Variants in ARB2A observed in about 807,000 individuals in gnomAD.
ARB2A encodes the protein ARB2 cotranscriptional regulator A.
At chr5:94,046,538 C>G in the ARB2A span, among the ~76,000 whole-genome samples, 5 of 152,076 alleles carry the variant, frequency 3.3e-5, no homozygotes, top group African/African-American at 1.2e-4. Context: ...TTACTTCTAC[C>G]CAGGAAGGCG....
chr5:93,622,009 A>G, the ARB2A span, among the ~76,000 whole-genome samples: 2 of 152,300 alleles, frequency 1.3e-5, no homozygotes, highest in East Asian at 1.9e-4. Context: ...TCGATGTAAT[A>G]CTAATGTACA....
chr5:93,633,836 TG>T, the ARB2A span, among the ~76,000 whole-genome samples: 3 of 152,102 alleles, frequency 2.0e-5, no homozygotes, highest in Admixed American at 1.3e-4. Context: ...GACAAGGTAT[TG>T]GTCTGTCACC....
chr5:93,726,341 T>C, the ARB2A span, among the ~76,000 whole-genome samples: 44 of 151,922 alleles, frequency 2.9e-4, no homozygotes, highest in Non-Finnish European at 3.4e-4. Flanking sequence ...AACCCCCTCA[T>C]AGATATGGGT....
the ARB2A span, chr5:93,863,573 G>A: frequency 6.6e-6 from 1 of 151,914 alleles, no homozygotes; most frequent in African/African-American, 2.4e-5. Context: ...CTGTCTGAGT[G>A]GCTTTTTTTA....
chr5:93,778,956 G>A, the ARB2A span, among the ~76,000 whole-genome samples: 2 of 152,124 alleles, frequency 1.3e-5, no homozygotes, highest in Non-Finnish European at 2.9e-5. Flanking sequence ...CTAGCCACAT[G>A]TTTAAGGCTT....
the ARB2A span, among the ~76,000 whole-genome samples, chr5:93,664,630 C>CA: frequency 1.8e-3 from 260 of 142,072 alleles, 5 homozygotes; most frequent in South Asian, 0.022. Flanking sequence ...GACTTCGTCT[C>CA]AAAAATATAT....
the ARB2A span, among the ~76,000 whole-genome samples, chr5:93,916,831 G>A: frequency 4.6e-5 from 7 of 152,160 alleles, no homozygotes; most frequent in South Asian, 6.2e-4. Flanking sequence ...TTCACTTTTC[G>A]AAATATTCAT....
At chr5:93,810,062 T>C in the ARB2A span, among the ~76,000 whole-genome samples, 2 of 152,134 alleles carry the variant, frequency 1.3e-5, no homozygotes, top group Non-Finnish European at 2.9e-5. Flanking sequence ...AAGGTAGGTA[T>C]CAGGTATGTT....
chr5:94,098,947 A>C, the ARB2A span, among the ~76,000 whole-genome samples: 1 of 152,178 alleles, frequency 6.6e-6, no homozygotes, highest in African/African-American at 2.4e-5. Context: ...GATTCCCTGA[A>C]CAGACCATTA....
chr5:93,961,231 T>C, the ARB2A span, among the ~76,000 whole-genome samples: 46 of 152,260 alleles, frequency 3.0e-4, no homozygotes, highest in Non-Finnish European at 4.6e-4. Context: ...TGGAGATGGA[T>C]ATCTATTCAC....
the ARB2A span, among the ~76,000 whole-genome samples, chr5:93,999,519 T>TA: frequency 6.6e-6 from 1 of 152,022 alleles, no homozygotes; most frequent in South Asian, 2.1e-4. Context: ...TAAGTTTTTT[T>TA]AGAGCAGTTT....
the ARB2A span, among the ~76,000 whole-genome samples, chr5:93,903,286 T>C: frequency 6.6e-6 from 1 of 152,094 alleles, no homozygotes; most frequent in Non-Finnish European, 1.5e-5. Context: ...GTTATTGTTA[T>C]ATGATTACTG....
the ARB2A span, among the ~76,000 whole-genome samples, chr5:93,970,244 C>T: frequency 6.6e-6 from 1 of 151,980 alleles, no homozygotes; most frequent in African/African-American, 2.4e-5. Flanking sequence ...CCAGTCATAC[C>T]CATCCCTATA....
chr5:93,920,480 G>A, the ARB2A span, among the ~76,000 whole-genome samples: 27 of 152,130 alleles, frequency 1.8e-4, no homozygotes, highest in Admixed American at 5.2e-4. Context: ...AAAAAATTTG[G>A]GGGGACTTGT....
the ARB2A span, among the ~76,000 whole-genome samples, chr5:93,843,891 T>G: frequency 2.0e-5 from 3 of 151,792 alleles, no homozygotes; most frequent in African/African-American, 4.8e-5. Context: ...CAGGAAATTA[T>G]CAACAAAATA....
At chr5:94,087,000 C>A in the ARB2A span, among the ~76,000 whole-genome samples, 292 of 152,296 alleles carry the variant, frequency 1.9e-3, 1 homozygote, top group African/African-American at 6.8e-3. Flanking sequence ...AATAGCAGCT[C>A]CATATGCGTT....
At chr5:93,631,702 T>C in the ARB2A span, among the ~76,000 whole-genome samples, 2 of 151,732 alleles carry the variant, frequency 1.3e-5, no homozygotes, top group East Asian at 3.9e-4. Context: ...TTTACAGATA[T>C]CTTGTCAGGC....
At chr5:93,766,831 C>A in the ARB2A span, among the ~76,000 whole-genome samples, 4 of 152,114 alleles carry the variant, frequency 2.6e-5, no homozygotes, top group African/African-American at 9.7e-5. Context: ...AAATGTGGCA[C>A]ATATACACCA....
the ARB2A span, among the ~76,000 whole-genome samples, chr5:93,925,895 C>T: frequency 6.6e-6 from 1 of 152,174 alleles, no homozygotes; most frequent in Non-Finnish European, 1.5e-5. Context: ...CAGCTTTTCT[C>T]ATTTCCCAGG....
Sources: allele counts gnomAD v4.1 joint callset (sites outside exome capture counted in the v4.1 genomes callset), GRCh38; gene constraint gnomAD v4.1.1; transcripts MANE v1.5; gene names NCBI Gene and HGNC (gene_info 2026-07-23, HGNC 2026-07-21).